LNX1: variants seen among roughly 807,000 people sequenced by gnomAD.
LNX1 encodes the protein ligand of numb-protein X 1, also known as E3 ubiquitin-protein ligase LNX.
In LNX1, 54 loss-of-function variants were observed where a neutral mutation model predicts 68.4. The ratio of observed to expected loss-of-function variants is 0.79; its 90% confidence interval spans 0.63 to 0.99. The LOEUF (loss-of-function observed/expected upper bound fraction) is 0.99, where lower values mean the gene tolerates loss of function less well. LNX1 is among the 50% of genes least tolerant of loss of function. The pLI is 0.00. For missense variants in LNX1, 906 were observed against 926.4 expected, an observed-to-expected ratio of 0.98 and a Z score of 0.29; for synonymous variants, 336 against 350.0, an observed-to-expected ratio of 0.96 and a Z score of 0.45.
At chr4:53,461,314 G>C in intron 10 of LNX1, 121 bp downstream of exon 10, 1 of 818,570 alleles carries the variant, frequency 1.2e-6, no homozygotes, top group Non-Finnish European at 1.9e-6. Flanking sequence ...TGAATGCTAC[G>C]TACATACTTT....
At chr4:53,534,356 T>A (rs985879537) in intron 2 of LNX1, among the ~76,000 whole-genome samples, 1 of 152,074 alleles carries the variant, frequency 6.6e-6, no homozygotes, top group African/African-American at 2.4e-5. Flanking sequence ...CAGGAATTAG[T>A]GGTGGGGTGC....
At chr4:53,630,823 T>C (rs1021647607) in intron 1 of LNX1, among the ~76,000 whole-genome samples, 1 of 152,216 alleles carries the variant, frequency 6.6e-6, no homozygotes, top group Non-Finnish European at 1.5e-5. Context: ...ATTCAGAATT[T>C]GCTAATTCAG....
intron 2 of LNX1, among the ~76,000 whole-genome samples, chr4:53,554,965 C>A (rs527661695): frequency 7.2e-5 from 11 of 152,140 alleles, no homozygotes; most frequent in Non-Finnish European, 1.5e-4. Flanking sequence ...CTGAGCTGGG[C>A]ATGAACTCAG....
chr4:53,587,352 A>C (rs182111540), intron 1 of LNX1, among the ~76,000 whole-genome samples: 1 of 152,320 alleles, frequency 6.6e-6, no homozygotes, highest in African/African-American at 2.4e-5. Context: ...TTCTTTGGGG[A>C]TAGTTAATGA....
chr4:53,610,880 A>C (rs1733464930), intron 2 of LNX1, among the ~76,000 whole-genome samples: 1 of 152,018 alleles, frequency 6.6e-6, no homozygotes, highest in Non-Finnish European at 1.5e-5. Flanking sequence ...AAACATCTAA[A>C]CTCTATACAT....
intron 6 of LNX1, among the ~76,000 whole-genome samples, chr4:53,486,693 A>G (rs1178969711): frequency 6.6e-6 from 1 of 152,188 alleles, no homozygotes; most frequent in Non-Finnish European, 1.5e-5. Context: ...TATTCAGAGA[A>G]AAAAAAGAGG....
At chr4:53,616,531 T>C (rs1733687248) in exon 2 of LNX1, 1 of 152,214 alleles carries the variant, frequency 6.6e-6, no homozygotes, top group African/African-American at 2.4e-5. Context: ...GCAGCTTTGC[T>C]TGTGTCCCCT....
Position 53,616,287 on chromosome 4 carries a change from C to T in LNX1, c.-215+230G>A, listed in dbSNP as rs563283455. Among the ~76,000 whole-genome samples the T allele has an allele frequency of 2.0e-5, 3 of 152,272 alleles. No individual in the cohort carries two copies. In the East Asian group the frequency reaches 5.8e-4, roughly 29 times the overall value. On this transcript the variant is annotated intron_variant, in intron 2 of 3. Transcript: ENST00000504299. ...ACCTTCCCTACATAGACACAAATAA[C>T]TCCTATATACCATACACTTAAAAGC...
At chr4:53,580,082 G>C (rs1469680670) in intron 1 of LNX1, among the ~76,000 whole-genome samples, 1 of 152,162 alleles carries the variant, frequency 6.6e-6, no homozygotes, top group East Asian at 1.9e-4. Flanking sequence ...TGAGTCAAAA[G>C]GAAGCCTGAC....
At chr4:53,602,573 C>T (rs1733060661) in intron 2 of LNX1, among the ~76,000 whole-genome samples, 4 of 152,208 alleles carry the variant, frequency 2.6e-5, no homozygotes, top group African/African-American at 9.6e-5. Flanking sequence ...TTGTCAGTGA[C>T]ACCTCCTATA....
intron 2 of LNX1, among the ~76,000 whole-genome samples, chr4:53,529,136 A>ACACACAC (rs1577666890): frequency 3.9e-5 from 2 of 50,906 alleles, no homozygotes; most frequent in East Asian, 1.1e-3. Context: ...CACACACACA[A>ACACACAC]ACACATGCAC....
chr4:53,572,597 C>T (rs1731236690), intron 2 of LNX1, among the ~76,000 whole-genome samples: 2 of 152,316 alleles, frequency 1.3e-5, no homozygotes, highest in East Asian at 1.9e-4. Context: ...CCAGGATAAA[C>T]AACATCTTCC....
intron 1 of LNX1, among the ~76,000 whole-genome samples, chr4:53,628,125 G>C (rs1443268322): frequency 6.6e-6 from 1 of 152,112 alleles, no homozygotes; most frequent in African/African-American, 2.4e-5. Flanking sequence ...TTTCTACTGG[G>C]CAGAGTTTTG....
chr4:53,627,675 A>G (rs1355421667), intron 1 of LNX1, among the ~76,000 whole-genome samples: 1 of 152,234 alleles, frequency 6.6e-6, no homozygotes, highest in Non-Finnish European at 1.5e-5. Context: ...GTGCTTAGAG[A>G]TAGGCCAGTC....
At chr4:53,569,713 A>G (rs1317140399) in intron 2 of LNX1, among the ~76,000 whole-genome samples, 2 of 149,896 alleles carry the variant, frequency 1.3e-5, no homozygotes, top group Non-Finnish European at 3.0e-5. Context: ...AACTACCATC[A>G]GAGTGAACAG....
intron 2 of LNX1, among the ~76,000 whole-genome samples, chr4:53,610,503 C>T (rs559271637): frequency 1.3e-5 from 2 of 151,930 alleles, no homozygotes; most frequent in South Asian, 4.1e-4. Flanking sequence ...GTCAGGAGAT[C>T]GAGACCATCC....
chr4:53,461,021 A>T lies in LNX1; in HGVS notation c.2073T>A (p.Ala691=), dbSNP rs1721970712. ...GRIRCGDILL[A]VNGRSTSGMI... is the part of the protein sequence containing the mutation. ...TTCCTGATGTACTTCTACCATTGACAGCAAGAAGAATATCACCACATCTAA... is the reference window on the plus strand; with the variant it reads ...TTCCTGATGTACTTCTACCATTGACTGCAAGAAGAATATCACCACATCTAA... Residue 691 remains alanine (A), a synonymous_variant, in exon 11 of 11, where the codon GCT becomes GCA. Coordinates refer to ENST00000263925, the MANE Select transcript of LNX1 (RefSeq NM_001126328.3). 6.3e-7 allele frequency: 1 copy of T among 1,582,910 alleles called. No individual in the cohort carries two copies. The highest frequency in any genetic ancestry group is 1.4e-5 in the African/African-American group (1 of 72,590).
At position 53,564,741 on chromosome 4, in the gene LNX1, T is replaced by G. The variant is rs1404288261; in HGVS notation, c.380+8882A>C. 2.6e-5 allele frequency among the ~76,000 whole-genome samples: 4 copies of G among 152,114 alleles called. No homozygotes were observed. In the East Asian group the frequency reaches 7.8e-4, roughly 30 times the overall value. ...ATTTCCATCTGAGGTACCGGGTTCA[T>G]CTCACTAGGGAGTGCCAGACAGTGG... On this transcript the variant is annotated intron_variant, in intron 2 of 10. Transcript: ENST00000263925.
intron 2 of LNX1, among the ~76,000 whole-genome samples, chr4:53,561,807 G>A (rs58298942): frequency 0.18 from 27,158 of 152,116 alleles, 2,572 homozygotes; most frequent in Admixed American, 0.23. Flanking sequence ...GTAAATACTT[G>A]AGGAGGGTCA....
Sources: allele counts gnomAD v4.1 joint callset (sites outside exome capture counted in the v4.1 genomes callset), GRCh38; gene constraint gnomAD v4.1.1; transcripts MANE v1.5; gene names NCBI Gene and HGNC (gene_info 2026-07-23, HGNC 2026-07-21).